Variants in NAA16 observed in about 807,000 individuals in gnomAD.
NAA16 encodes the protein NARG1-like protein.
In NAA16, 97 loss-of-function variants were observed where a neutral mutation model predicts 110.3. That is an observed-to-expected ratio of 0.88 (90% confidence interval 0.75 to 1.04). The LOEUF is 1.04. Ranked by LOEUF, NAA16 falls within the 50% of genes least tolerant of loss-of-function variation. NAA16 has a pLI of 0.00. For missense variants in NAA16, 1,017 were observed against 1,005.1 expected, an observed-to-expected ratio of 1.01 and a Z score of -0.16; for synonymous variants, 372 against 330.6, an observed-to-expected ratio of 1.13 and a Z score of -1.36.
At chr13:41,366,015 TAGTTATAACTTGATTTAC>T (rs2043201261) in intron 13 of NAA16, among the ~76,000 whole-genome samples, 1 of 152,234 alleles carries the variant, frequency 6.6e-6, no homozygotes, top group Non-Finnish European at 1.5e-5. Context: ...ATTCTTGTGC[TAGTTATAACTTGATTTAC>T]ATTAAGAGAA....
At position 41,358,960 on chromosome 13, in the gene NAA16, A is replaced by C; in HGVS notation, c.1408A>C (p.Arg470=). The C allele has an allele frequency of 6.2e-7, 1 of 1,601,274 alleles. No individual in the cohort carries two copies. Among genetic ancestry groups the C allele is most frequent in the Non-Finnish European group, 8.5e-7 (1 of 1,171,040 alleles). The part of the protein sequence containing the change: ...EAEEMCSKFT[R]EGTSAMENLN... Reference sequence around the variant, plus strand: ...AGAGGAAATGTGCTCCAAGTTCACAAGGGTAGGAAATAGCATGCATGAGCA... The same window carrying C: ...AGAGGAAATGTGCTCCAAGTTCACACGGGTAGGAAATAGCATGCATGAGCA... The change falls in exon 12 of 20, where the codon AGG becomes CGG. Residue 470 remains arginine, a splice_region_variant and synonymous_variant. Coordinates refer to ENST00000379406, the MANE Select transcript of NAA16 (RefSeq NM_024561.5).
At chr13:41,355,664 G>A (rs1277551806) in intron 10 of NAA16, among the ~76,000 whole-genome samples, 3 of 152,030 alleles carry the variant, frequency 2.0e-5, no homozygotes, top group Non-Finnish European at 2.9e-5. Context: ...ACCTGACCTC[G>A]TGATCCACCC....
At chr13:41,327,454 A>G (rs2042122616) in intron 6 of NAA16, among the ~76,000 whole-genome samples, 1 of 46,880 alleles carries the variant, frequency 2.1e-5, no homozygotes, top group Non-Finnish European at 4.1e-5. Flanking sequence ...AGATTATTTA[A>G]TCTTAAAAAA....
intron 10 of NAA16, 26 bp from the exon 11 acceptor site, chr13:41,358,278 A>G: frequency 3.2e-6 from 5 of 1,580,994 alleles, no homozygotes. Flanking sequence ...TCTTTCTATA[A>G]TAATTTAATA....
At position 41,358,909 on chromosome 13, in the gene NAA16, C is replaced by G. The variant is rs116244768; in HGVS notation, c.1357C>G (p.Leu453Val). ...CAATTCCAAATGTGCAAAATACATG[C>G]TTCGAGCAAATATGATAAAAGAAGC... ...FINSKCAKYM[L>V]RANMIKEAEE... is the part of the protein sequence containing the mutation. The change falls in exon 12 of 20, where the codon CTT (leucine) becomes GTT (valine). Residue 453 changes from leucine to valine, a missense_variant. Physicochemically the swap from Leu to Val is conservative, Grantham distance 32. Coordinates refer to ENST00000379406, the MANE Select transcript of NAA16 (RefSeq NM_024561.5). 1.8e-4 allele frequency: 292 copies of G among 1,611,812 alleles called. 1 individual carries two copies. The African/African-American group carries it at 3.7e-3, about 21-fold the overall frequency.
At chr13:41,331,716 G>A (rs1473144058) in intron 8 of NAA16, among the ~76,000 whole-genome samples, 2 of 151,956 alleles carry the variant, frequency 1.3e-5, no homozygotes, top group Non-Finnish European at 1.5e-5. Flanking sequence ...GAAGGAATAA[G>A]TTTCAGTGTT....
intron 16 of NAA16, 167 bp downstream of exon 16, chr13:41,372,478 G>A (rs2043341717): frequency 1.0e-6 from 1 of 984,856 alleles, no homozygotes; most frequent in African/African-American, 1.7e-5. Context: ...AATTAGAATA[G>A]TACTATCAAA....
chr13:41,349,251 T>C (rs568467127), intron 9 of NAA16, among the ~76,000 whole-genome samples: 1 of 152,230 alleles, frequency 6.6e-6, no homozygotes, highest in East Asian at 1.9e-4. Context: ...AGTGGTGAGA[T>C]TGTAACTCAT....
At chr13:41,329,607 ATTG>A (rs1246647199) in intron 7 of NAA16, among the ~76,000 whole-genome samples, 1 of 151,520 alleles carries the variant, frequency 6.6e-6, no homozygotes, top group African/African-American at 2.4e-5. Context: ...GAAAAGTTTA[ATTG>A]TTGTATCCTC....
At chr13:41,317,022 C>A in intron 2 of NAA16, 92 bp downstream of exon 2, 1 of 867,900 alleles carries the variant, frequency 1.2e-6, no homozygotes, top group Non-Finnish European at 1.9e-6. Flanking sequence ...GATTCCAGGG[C>A]CTTGCAGTTC....
At chr13:41,356,783 A>G (rs545848949) in intron 10 of NAA16, among the ~76,000 whole-genome samples, 2 of 152,266 alleles carry the variant, frequency 1.3e-5, no homozygotes, top group African/African-American at 4.8e-5. Context: ...CCCATATTCT[A>G]GATTTGGTTG....
chr13:41,322,968 A>T, intron 4 of NAA16, 88 bp from the exon 5 acceptor site: 1 of 1,156,126 alleles, frequency 8.6e-7, no homozygotes. Flanking sequence ...ATAGTTCATT[A>T]GAAATGTGTT....
intron 9 of NAA16, among the ~76,000 whole-genome samples, chr13:41,353,768 TACACACACACACACACAC>T (rs58020530): frequency 6.8e-6 from 1 of 146,636 alleles, no homozygotes; most frequent in African/African-American, 2.5e-5. Context: ...CCCTGTCTCT[TACACACACACACACACAC>T]ACACACACAC....
In NAA16 at chr13:41,319,227, ACTTGAAACCCATTTTTTT is replaced by A. The variant is rs544707691; in HGVS notation, c.244+321_244+338del. ...GAGAAAAGTTACTTTGGTAATTGTG[ACTTGAAACCCATTTTTTT>A]CTTAAACATAATTAACTGGGTAATA... On this transcript the variant is annotated intron_variant, in intron 3 of 19. Coordinates refer to ENST00000379406, the MANE Select transcript of NAA16 (RefSeq NM_024561.5). Among the ~76,000 whole-genome samples the A allele has an allele frequency of 8.3e-4, 127 of 152,258 alleles. 1 individual carries two copies. The highest frequency in any genetic ancestry group is 7.3e-3 in the East Asian group (38 of 5,178).
intron 3 of NAA16, among the ~76,000 whole-genome samples, chr13:41,319,833 T>G (rs1244053786): frequency 6.6e-6 from 1 of 152,140 alleles, no homozygotes; most frequent in African/African-American, 2.4e-5. Context: ...AAATTTTTTT[T>G]TAAAGGGTGG....
At chr13:41,313,386 T>C (rs543397821) in intron 1 of NAA16, among the ~76,000 whole-genome samples, 4 of 152,334 alleles carry the variant, frequency 2.6e-5, no homozygotes, top group East Asian at 1.9e-4. Context: ...AATCTAGGTA[T>C]GTAATGTTTC....
chr13:41,322,754 T>G (rs1405741554), intron 4 of NAA16, among the ~76,000 whole-genome samples: 1 of 152,148 alleles, frequency 6.6e-6, no homozygotes, highest in Non-Finnish European at 1.5e-5. Context: ...CATCTTAGTC[T>G]TCTTACAGAA....
At position 41,318,883 on chromosome 13, in the gene NAA16, C is replaced by T; in HGVS notation, c.217C>T (p.Leu73Phe). The T allele has an allele frequency of 6.2e-7, 1 of 1,600,720 alleles. No homozygotes were observed. Among genetic ancestry groups the T allele is most frequent in the Non-Finnish European group, 8.5e-7 (1 of 1,172,816 alleles). Residue 73 changes from leucine to phenylalanine, a missense_variant, in exon 3 of 20, where the codon CTT becomes TTT. Coordinates refer to ENST00000379406, the MANE Select transcript of NAA16 (RefSeq NM_024561.5). ...AGCTTATGAGTTTGTTCGTAAAGGA[C>T]TTCGTAATGATGTCAAGAGTCATGT... ...EEAYEFVRKG[L>F]RNDVKSHVCW...
intron 9 of NAA16, among the ~76,000 whole-genome samples, chr13:41,340,676 TTTTTTTTTTTTTTTTC>T (rs2042516483): frequency 5.2e-4 from 10 of 19,120 alleles, no homozygotes; most frequent in East Asian, 3.3e-3. Flanking sequence ...TTTTTTTTTT[TTTTTTTTTTTTTTTTC>T]CGAGACGGAG....
Sources: gnomAD v4.1 joint callset for allele counts (sites outside exome capture counted in the v4.1 genomes callset) on GRCh38, gnomAD v4.1.1 for gene constraint, MANE v1.5 for transcripts, NCBI Gene and HGNC (gene_info 2026-07-23, HGNC 2026-07-21) for gene names.